Variants in CRACD observed in about 807,000 individuals in gnomAD.
CRACD encodes capping protein-inhibiting regulator of actin dynamics.
In CRACD, 56 loss-of-function variants were observed where a neutral mutation model predicts 106.8. That is an observed-to-expected ratio of 0.52 (90% CI 0.42 to 0.66). The LOEUF is 0.66. CRACD is among the 30% of genes least tolerant of loss of function. The pLI is 0.00. For missense variants in CRACD, 1,730 were observed against 1,623.2 expected, an observed-to-expected ratio of 1.07 and a Z score of -1.13; for synonymous variants, 754 against 670.8, an observed-to-expected ratio of 1.12 and a Z score of -1.92.
chr4:56,108,814 G>C (rs1190278512), intron 1 of CRACD, among the ~76,000 whole-genome samples: 2 of 152,208 alleles, frequency 1.3e-5, no homozygotes, highest in Non-Finnish European at 2.9e-5. Context: ...AAAGATCAAA[G>C]ACTTTAAGAC....
In CRACD at chr4:56,315,348, A is replaced by C; in HGVS notation, c.1846A>C (p.Thr616Pro). 6.2e-7 allele frequency: 1 copy of C among 1,613,636 alleles called. No homozygotes were observed. The highest frequency in any genetic ancestry group is 8.5e-7 in the Non-Finnish European group (1 of 1,179,906). The change falls in exon 8 of 11, where the codon ACC (threonine) becomes CCC (proline). Residue 616 changes from threonine (T) to proline (P), a missense_variant. Coordinates refer to ENST00000682029, the MANE Select transcript of CRACD (RefSeq NM_001393381.1). This position sits in a 1 kb window ranked among gnomAD's most constrained non-coding sequence, Gnocchi z 4.1. ...AGTCAACCTGAGCCAGATCAAGGACACCGCGTGCAAGTCCCTCCTGGGCTT... is the reference window on the plus strand; with the variant it reads ...AGTCAACCTGAGCCAGATCAAGGACCCCGCGTGCAAGTCCCTCCTGGGCTT... ...PAVNLSQIKDTACKSLLGLEE... is the reference protein window; with the variant it reads ...PAVNLSQIKDPACKSLLGLEE...
rs1473887773 is a variant in CRACD, at chr4:56,314,406, G to C, written c.904G>C (p.Asp302His). 8.8e-7 allele frequency: 1 copy of C among 1,142,694 alleles called. No homozygotes were observed. The allele number at this position is 1,142,694 out of a possible 1,614,324, so 70.8% of individuals were successfully genotyped here. A position where few individuals can be genotyped will look rare whatever the true frequency, so the allele number is the denominator to read the frequency against. ...QRSLEAPGWE[D>H]AERREREERE... The stretch of plus-strand genomic sequence containing the variant: ...GAGCCTGGAAGCGCCAGGTTGGGAG[G>C]ACGCGGAGCGGAGGGAGCGTGAGGA... Residue 302 changes from aspartate (D) to histidine (H), a missense_variant, in exon 8 of 11, where the codon GAC becomes CAC. By Grantham distance (81) the Asp-to-His change is moderately conservative. Around this residue, in one of 5 missense-constraint regions of CRACD, gnomAD observed 1,620 missense variants for 1,481.6 expected, o/e 1.09. Transcript: ENST00000682029. This position sits in a 1 kb window ranked among gnomAD's most constrained non-coding sequence, Gnocchi z 4.4.
chr4:56,089,660 TG>T (rs1423571304), intron 1 of CRACD, among the ~76,000 whole-genome samples: 1 of 152,028 alleles, frequency 6.6e-6, no homozygotes, highest in African/African-American at 2.4e-5. Flanking sequence ...ATTACAGGCA[TG>T]GGCCACCACA....
intron 2 of CRACD, among the ~76,000 whole-genome samples, chr4:56,237,545 T>C (rs1295770198): frequency 6.6e-6 from 1 of 152,150 alleles, no homozygotes; most frequent in African/African-American, 2.4e-5. Context: ...GACTACCTAT[T>C]ATTGATTATG....
intron 1 of CRACD, among the ~76,000 whole-genome samples, chr4:56,106,564 T>C (rs916910947): frequency 6.6e-6 from 1 of 152,218 alleles, no homozygotes; most frequent in African/African-American, 2.4e-5. Context: ...GTGTTAGCTA[T>C]GTGGAATTTT....
rs1745535542 is a variant in CRACD, at chr4:56,315,361, C to T, written c.1859C>T (p.Ser620Phe). Reference protein sequence around the residue: ...LSQIKDTACKSLLGLEEKKHA... With the variant: ...LSQIKDTACKFLLGLEEKKHA... ...CAGATCAAGGACACCGCGTGCAAGT[C>T]CCTCCTGGGCTTGGAGGAGAAGAAG... Residue 620 changes from serine to phenylalanine, a missense_variant, in exon 8 of 11, where the codon TCC becomes TTC. Physicochemically the swap from Ser to Phe is radical, Grantham distance 155. This residue lies in a region of CRACD where 1,620 missense variants were observed against 1,481.6 expected (regional missense o/e 1.09). Transcript: ENST00000682029. This position sits in a 1 kb window ranked among gnomAD's most constrained non-coding sequence, Gnocchi z 4.1. 6.2e-7 allele frequency: 1 copy of T among 1,613,648 alleles called. No individual in the cohort carries two copies. Among genetic ancestry groups the T allele is most frequent in the Non-Finnish European group, 8.5e-7 (1 of 1,179,916 alleles).
intron 1 of CRACD, among the ~76,000 whole-genome samples, chr4:56,115,092 G>A (rs1277930926): frequency 6.6e-6 from 1 of 152,076 alleles, no homozygotes; most frequent in Non-Finnish European, 1.5e-5. Context: ...TAGGAAATGG[G>A]GTGAGCAGTG....
At chr4:56,293,199 A>G (rs144377612) in intron 3 of CRACD, among the ~76,000 whole-genome samples, 1 of 152,294 alleles carries the variant, frequency 6.6e-6, no homozygotes, top group African/African-American at 2.4e-5. Flanking sequence ...AATGAGAATA[A>G]AAGTTATGTG....
intron 2 of CRACD, among the ~76,000 whole-genome samples, chr4:56,237,194 G>A (rs1330563692): frequency 6.6e-6 from 1 of 152,110 alleles, no homozygotes; most frequent in Non-Finnish European, 1.5e-5. Context: ...TTAAATTTAA[G>A]TATGTGGCCT....
chr4:56,109,890 G>C (rs1461029110), intron 1 of CRACD, among the ~76,000 whole-genome samples: 2 of 151,852 alleles, frequency 1.3e-5, no homozygotes, highest in Non-Finnish European at 2.9e-5. Context: ...AAAATCCACA[G>C]AGAGGGACAA....
rs886791920 is a variant in CRACD at position 56,314,488 on chromosome 4, C to T, written c.986C>T (p.Ala329Val). ...ERRRLQAQAQ[A>V]EERRRLEEDA... ...AGGCGTCTGCAGGCCCAGGCCCAAG[C>T]GGAGGAGAGGCGGCGGCTGGAGGAG... The change falls in exon 8 of 11, where the codon GCG (alanine) becomes GTG (valine). Residue 329 changes from alanine to valine, a missense_variant. Physicochemically the swap from Ala to Val is moderately conservative, Grantham distance 64. Transcript: ENST00000682029. The surrounding 1 kb of genome is among the most constrained non-coding windows in gnomAD (Gnocchi z 4.4). The T allele has an allele frequency of 1.2e-5, 19 of 1,523,400 alleles. No individual in the cohort carries two copies. In the Middle Eastern group the frequency reaches 7.0e-4, roughly 56 times the overall value. The allele number at this position is 1,523,400 out of a possible 1,614,324, so 94.4% of individuals were successfully genotyped here.
chr4:56,117,096 C>CT (rs1278057797), intron 1 of CRACD, among the ~76,000 whole-genome samples: 1 of 149,598 alleles, frequency 6.7e-6, no homozygotes, highest in Non-Finnish European at 1.5e-5. Context: ...TCTCTGCTCA[C>CT]TGCAAGCTCT....
chr4:56,279,975 G>A (rs913608287), intron 3 of CRACD, among the ~76,000 whole-genome samples: 5 of 151,630 alleles, frequency 3.3e-5, no homozygotes. Flanking sequence ...AAAAAATGAT[G>A]AGTTCATGTC....
intron 3 of CRACD, among the ~76,000 whole-genome samples, chr4:56,281,426 G>A (rs1743033191): frequency 6.6e-6 from 1 of 152,054 alleles, no homozygotes; most frequent in Non-Finnish European, 1.5e-5. Flanking sequence ...GAGGTATAGC[G>A]ATTCTTAGAG....
intron 1 of CRACD, among the ~76,000 whole-genome samples, chr4:56,052,241 TAC>T (rs1731903950): frequency 6.6e-6 from 1 of 152,172 alleles, no homozygotes; most frequent in Admixed American, 6.5e-5. Context: ...CCACCCAGTA[TAC>T]AGATACATTG....
At chr4:56,232,552 A>G (rs867873409) in intron 2 of CRACD, among the ~76,000 whole-genome samples, 9 of 152,302 alleles carry the variant, frequency 5.9e-5, no homozygotes, top group Middle Eastern at 3.4e-3. Context: ...CTTTTTAAGC[A>G]ATTACCCAAG....
intron 2 of CRACD, among the ~76,000 whole-genome samples, chr4:56,239,479 G>A (rs951791095): frequency 6.6e-6 from 1 of 151,920 alleles, no homozygotes; most frequent in African/African-American, 2.4e-5. Context: ...GGCCTTTAAT[G>A]TCAGAGTACA....
intron 1 of CRACD, among the ~76,000 whole-genome samples, chr4:56,086,098 C>T (rs1023124434): frequency 3.3e-5 from 5 of 152,120 alleles, no homozygotes; most frequent in Admixed American, 2.6e-4. Context: ...CAGATGGAGA[C>T]GTGACCTTTC....
At chr4:56,170,703 T>C (rs894893850) in intron 1 of CRACD, among the ~76,000 whole-genome samples, 2 of 152,026 alleles carry the variant, frequency 1.3e-5, no homozygotes, top group African/African-American at 4.8e-5. Context: ...TAGCCAGGCA[T>C]GGTGGTGTGT....
Sources: allele counts gnomAD v4.1 joint callset (sites outside exome capture counted in the v4.1 genomes callset), GRCh38; gene constraint gnomAD v4.1.1; regional missense constraint gnomAD v4.1.1; non-coding constraint Gnocchi (gnomAD v3.1); transcripts MANE v1.5; gene names NCBI Gene and HGNC (gene_info 2026-07-23, HGNC 2026-07-21).